The following ATP8B1 variants were observed in gnomAD, a reference collection of about 807,000 sequenced individuals.
ATP8B1 encodes the protein phospholipid-transporting ATPase IC.
Under a neutral mutation model 149.9 loss-of-function variants are expected in ATP8B1, and 80 were observed. That is an observed-to-expected ratio of 0.53 (90% CI 0.45 to 0.64). The LOEUF (loss-of-function observed/expected upper bound fraction) is 0.64, where lower values mean the gene tolerates loss of function less well. ATP8B1 is among the 30% of genes least tolerant of loss of function. The pLI, the probability that ATP8B1 is intolerant of heterozygous loss-of-function variation, is 0.00. For missense variants in ATP8B1, 1,247 were observed against 1,552.6 expected (o/e 0.80, Z 3.31); for synonymous variants, 536 against 562.8 (o/e 0.95, Z 0.67).
chr18:57,696,010 C>T (rs1162292606), intron 8 of ATP8B1, among the ~76,000 whole-genome samples: 1 of 152,192 alleles, frequency 6.6e-6, no homozygotes, highest in African/African-American at 2.4e-5. Flanking sequence ...CTTAGCTTTA[C>T]TCCCAACTGC....
At chr18:57,676,589 C>T (rs943286735) in intron 15 of ATP8B1, among the ~76,000 whole-genome samples, 4 of 151,398 alleles carry the variant, frequency 2.6e-5, no homozygotes, top group African/African-American at 4.9e-5. Flanking sequence ...CATGGTGGCA[C>T]GTGCCTATAG....
intron 1 of ATP8B1, among the ~76,000 whole-genome samples, chr18:57,756,035 A>T (rs1238042767): frequency 6.6e-6 from 1 of 151,566 alleles, no homozygotes; most frequent in African/African-American, 2.4e-5. Flanking sequence ...AACTTCAGAC[A>T]ATTTAACATT....
At chr18:57,736,374 T>A (rs770926619) in intron 1 of ATP8B1, among the ~76,000 whole-genome samples, 2 of 151,922 alleles carry the variant, frequency 1.3e-5, no homozygotes, top group Non-Finnish European at 2.9e-5. Flanking sequence ...GCTTTTGAGG[T>A]CTTAGCCATA....
chr18:57,791,003 T>G (rs536676829), intron 1 of ATP8B1, among the ~76,000 whole-genome samples: 1 of 152,330 alleles, frequency 6.6e-6, no homozygotes, highest in South Asian at 2.1e-4. Context: ...ATTACAGGCA[T>G]GAGCCACCGC....
chr18:57,674,643 C>G (rs567644858), intron 16 of ATP8B1, among the ~76,000 whole-genome samples, 191 bp downstream of exon 16: 211 of 152,250 alleles, frequency 1.4e-3, no homozygotes, highest in African/African-American at 4.3e-3. Flanking sequence ...GCCTCGGCCT[C>G]CCAAAGTGCT....
rs538259234 is a variant in ATP8B1, at chr18:57,646,434, C to G, written c.*2054G>C. The G allele has an allele frequency of 6.6e-6, 1 of 152,274 alleles. No homozygotes were observed. The highest frequency in any genetic ancestry group is 1.5e-5 in the Non-Finnish European group (1 of 68,024). 9.4% of individuals were successfully genotyped at this position (152,274 alleles called of 1,614,324 possible). ...ACAACAACAAAAGCCAATTTAAATACTTTAGAAGATCATACTTTTCAAAGA... is the reference window on the plus strand; with the variant it reads ...ACAACAACAAAAGCCAATTTAAATAGTTTAGAAGATCATACTTTTCAAAGA... On this transcript the variant is annotated 3_prime_UTR_variant, in exon 28 of 28. Transcript: ENST00000648908.
At position 57,648,679 on chromosome 18, in the gene ATP8B1, C is replaced by T. The variant is rs1232918158; in HGVS notation, c.3565G>A (p.Glu1189Lys). Reference protein sequence around the residue: ...QKHRKRLKAEEQWQRRQQVFR... With the variant: ...QKHRKRLKAEKQWQRRQQVFR... ...ACCTGCTGCCGTCGCTGCCACTGCTCCTCCGCCTTCAACCGCTTGCGATGC... is the reference window on the plus strand; with the variant it reads ...ACCTGCTGCCGTCGCTGCCACTGCTTCTCCGCCTTCAACCGCTTGCGATGC... Residue 1189 changes from glutamate (E) to lysine (K), a missense_variant, in exon 28 of 28, where the codon GAG (glutamate) becomes AAG (lysine). Glu to Lys is a moderately conservative substitution (Grantham distance 56). Around this residue, in one of 3 missense-constraint regions of ATP8B1, gnomAD observed 164 missense variants for 160.3 expected, o/e 1.02. Coordinates refer to ENST00000648908, the MANE Select transcript of ATP8B1 (RefSeq NM_001374385.1). The T allele has an allele frequency of 6.4e-7, 1 of 1,565,700 alleles. No individual in the cohort carries two copies. Among genetic ancestry groups the T allele is most frequent in the Non-Finnish European group, 8.6e-7 (1 of 1,156,224 alleles).
At chr18:57,752,754 C>T (rs529549091) in intron 1 of ATP8B1, among the ~76,000 whole-genome samples, 15 of 152,250 alleles carry the variant, frequency 9.9e-5, no homozygotes, top group South Asian at 6.2e-4. Context: ...TTTTCAGATA[C>T]CATTAACATA....
chr18:57,661,110 C>A (rs777326750), intron 22 of ATP8B1, 64 bp downstream of exon 22: 35 of 1,589,582 alleles, frequency 2.2e-5, no homozygotes, highest in Non-Finnish European at 2.9e-5. Context: ...CCACCCCCTA[C>A]ACATTCCAGC....
chr18:57,659,632 T>G (rs1910257942), intron 22 of ATP8B1: 1 of 144,296 alleles, frequency 6.9e-6, no homozygotes, highest in Non-Finnish European at 1.5e-5. Context: ...AGCAATACCA[T>G]TCGCATGGTA....
At chr18:57,667,756 G>C in intron 19 of ATP8B1, 2 of 180,564 alleles carry the variant, frequency 1.1e-5, no homozygotes, top group South Asian at 2.0e-4. Flanking sequence ...GGGGGCAGAG[G>C]GAAGCATAAT....
intron 8 of ATP8B1, among the ~76,000 whole-genome samples, chr18:57,697,043 T>A (rs1307335704): frequency 6.6e-6 from 1 of 152,090 alleles, no homozygotes; most frequent in Non-Finnish European, 1.5e-5. Context: ...GGCAGATCAC[T>A]TGAGATCAGG....
At chr18:57,788,652 C>T (rs566481949) in intron 1 of ATP8B1, among the ~76,000 whole-genome samples, 1 of 152,268 alleles carries the variant, frequency 6.6e-6, no homozygotes, top group South Asian at 2.1e-4. Context: ...GTTCCTGGCA[C>T]CACCCACTCC....
chr18:57,668,699 A>C, intron 18 of ATP8B1, 159 bp from the exon 19 acceptor site: 1 of 580,828 alleles, frequency 1.7e-6, no homozygotes, highest in Non-Finnish European at 3.0e-6. Flanking sequence ...GAAGGCTGCC[A>C]TGTTTCACAA....
At position 57,694,592 on chromosome 18, in the gene ATP8B1, A is replaced by C; in HGVS notation, c.1019T>G (p.Met340Arg). The change falls in exon 11 of 28, where the codon ATG becomes AGG. Residue 340 changes from methionine to arginine, a missense_variant. Met to Arg is a moderately conservative substitution (Grantham distance 91, BLOSUM62 -1). Coordinates refer to ENST00000648908, the MANE Select transcript of ATP8B1 (RefSeq NM_001374385.1). Reference protein sequence around the residue: ...RTKIDYLMNYMVYTIFVVLIL... With the variant: ...RTKIDYLMNYRVYTIFVVLIL... Reference sequence around the variant, plus strand: ...ATGAAAAATAAATACCGTGTAAACCATGTAGTTCATCAAGTAATCAATTTT... The same window carrying C: ...ATGAAAAATAAATACCGTGTAAACCCTGTAGTTCATCAAGTAATCAATTTT... 6.4e-7 allele frequency: 1 copy of C among 1,564,954 alleles called. No individual in the cohort carries two copies. The highest frequency in any genetic ancestry group is 8.8e-7 in the Non-Finnish European group (1 of 1,135,590).
Position 57,685,806 on chromosome 18 carries a change from C to T in ATP8B1, c.1430-691G>A, listed in dbSNP as rs146729872. On this transcript the variant is annotated intron_variant, in intron 13 of 27. Coordinates refer to ENST00000648908, the MANE Select transcript of ATP8B1 (RefSeq NM_001374385.1). ...ATTAGCTGGGAATGGTGGTTCATAC[C>T]TGTAGTCCCAGCTACTCGGGAGGCT... Among the ~76,000 whole-genome samples, 389 of 152,128 alleles carry T rather than the reference C, an allele frequency of 2.6e-3. 2 individuals are homozygous for T. Among genetic ancestry groups the T allele is most frequent in the African/African-American group, 8.9e-3 (368 of 41,496 alleles).
chr18:57,777,200 A>G (rs1213824115), intron 1 of ATP8B1, among the ~76,000 whole-genome samples: 1 of 152,038 alleles, frequency 6.6e-6, no homozygotes, highest in African/African-American at 2.4e-5. Context: ...CTAGTCTTGA[A>G]CTTTTGGGTT....
chr18:57,767,177 C>T (rs1242194900), intron 1 of ATP8B1, among the ~76,000 whole-genome samples: 1 of 152,150 alleles, frequency 6.6e-6, no homozygotes, highest in East Asian at 1.9e-4. Flanking sequence ...AGAATTGAAG[C>T]TCTAAGAACT....
chr18:57,694,062 C>T (rs1423918845), intron 11 of ATP8B1, among the ~76,000 whole-genome samples: 3 of 152,112 alleles, frequency 2.0e-5, no homozygotes, highest in African/African-American at 4.8e-5. Context: ...GCTGTGAATA[C>T]GACTATGTGC....
Sources: gnomAD v4.1 joint callset for allele counts (sites outside exome capture counted in the v4.1 genomes callset) on GRCh38, gnomAD v4.1.1 for gene constraint, gnomAD v4.1.1 regional missense constraint, MANE v1.5 for transcripts, NCBI Gene and HGNC (gene_info 2026-07-23, HGNC 2026-07-21) for gene names.